TYW1B: variants seen among roughly 807,000 people sequenced by gnomAD.
TYW1B encodes the protein S-adenosyl-L-methionine-dependent tRNA 4-demethylwyosine synthase TYW1B.
TYW1B carries 73 observed loss-of-function variants against 86.9 expected under a neutral mutation model. That is an observed-to-expected ratio of 0.84 (90% CI 0.70 to 1.02). TYW1B has a LOEUF of 1.02. TYW1B is among the 50% of genes least tolerant of loss of function. The pLI, the probability that TYW1B is intolerant of heterozygous loss-of-function variation, is 0.00. For synonymous variants in TYW1B, 248 were observed against 292.8 expected, an observed-to-expected ratio of 0.85 and a Z score of 1.56; for missense variants, 637 against 827.4, an observed-to-expected ratio of 0.77 and a Z score of 2.82.
At chr7:72,726,553 G>C (rs1787002150) in intron 9 of TYW1B, among the ~76,000 whole-genome samples, 1 of 151,846 alleles carries the variant, frequency 6.6e-6, no homozygotes, top group South Asian at 2.1e-4. Flanking sequence ...TAGTAGAGAT[G>C]GGGTTTCACC....
At chr7:72,600,720 G>C (rs1554433542) in intron 13 of TYW1B, among the ~76,000 whole-genome samples, 1 of 152,150 alleles carries the variant, frequency 6.6e-6, no homozygotes, top group African/African-American at 2.4e-5. Context: ...AAATAAGCCA[G>C]GCACAGTGGC....
At chr7:72,612,241 A>T (rs1286559225) in intron 13 of TYW1B, among the ~76,000 whole-genome samples, 2 of 152,172 alleles carry the variant, frequency 1.3e-5, no homozygotes, top group Non-Finnish European at 2.9e-5. Flanking sequence ...GGGAGTCTAG[A>T]AGAGTGGTTT....
intron 11 of TYW1B, among the ~76,000 whole-genome samples, chr7:72,655,738 T>C (rs1450776739): frequency 6.6e-5 from 10 of 152,158 alleles, no homozygotes; most frequent in African/African-American, 2.4e-4. Context: ...GGGCCGCCAA[T>C]GTACCTGCAT....
In TYW1B at chr7:72,632,295, AT is replaced by A. The variant is rs1433041573; in HGVS notation, c.1507-3299del. On this transcript the variant is annotated intron_variant, in intron 11 of 13. Coordinates refer to ENST00000620995, the MANE Select transcript of TYW1B (RefSeq NM_001145440.3). ...TATATATATATACGTGTATATATATATATACGTGTATATATATTATATATAT... is the reference window on the plus strand; with the variant it reads ...TATATATATATACGTGTATATATATAATACGTGTATATATATTATATATAT... Among the ~76,000 whole-genome samples, 48 of 90,812 alleles carry A rather than the reference AT, an allele frequency of 5.3e-4. 5 individuals are homozygous for A. The highest frequency in any genetic ancestry group is 2.4e-3 in the African/African-American group (42 of 17,738). The allele number at this position is 90,812 out of a possible 152,430, so 59.6% of individuals were successfully genotyped here.
chr7:72,805,883 T>C (rs1788484843), intron 5 of TYW1B, among the ~76,000 whole-genome samples: 1 of 152,112 alleles, frequency 6.6e-6, no homozygotes, highest in African/African-American at 2.4e-5. Flanking sequence ...TGCTGAATTA[T>C]GCAACTGACC....
chr7:72,755,124 G>T (rs140162086), intron 7 of TYW1B, among the ~76,000 whole-genome samples: 39 of 152,170 alleles, frequency 2.6e-4, no homozygotes, highest in African/African-American at 7.9e-4. Flanking sequence ...TGGAATAACA[G>T]AAGTGTCATC....
Position 72,703,018 on chromosome 7 carries a change from ATATATATATTTTT to A in TYW1B, c.1371-8209_1371-8197del, listed in dbSNP as rs1268454260. Reference sequence around the variant, plus strand: ...TATATATATATATATATATATATATATATATATATTTTTTTTTTTTTTTTGAGATGGAGTCTCG... The same window carrying A: ...TATATATATATATATATATATATATATTTTTTTTTTTGAGATGGAGTCTCG... On this transcript the variant is annotated intron_variant, in intron 10 of 13. Transcript: ENST00000620995. Among the ~76,000 whole-genome samples, 7 of 14,442 alleles carry A rather than the reference ATATATATATTTTT, an allele frequency of 4.8e-4. 1 individual carries two copies. The highest frequency in any genetic ancestry group is 1.5e-3 in the African/African-American group (6 of 3,914). The allele number at this position is 14,442 out of a possible 152,430, so 9.5% of individuals were successfully genotyped here.
At chr7:72,773,705 A>G (rs1415717663) in intron 7 of TYW1B, among the ~76,000 whole-genome samples, 1 of 152,188 alleles carries the variant, frequency 6.6e-6, no homozygotes, top group Admixed American at 6.6e-5. Context: ...GGAAAGAACC[A>G]TTTTTGGAAG....
intron 13 of TYW1B, among the ~76,000 whole-genome samples, chr7:72,597,882 G>A (rs1322788506): frequency 1.3e-5 from 2 of 151,780 alleles, no homozygotes; most frequent in African/African-American, 4.8e-5. Context: ...AGCAACTTCA[G>A]GGAAAAGAAA....
chr7:72,679,106 CAAATA>C (rs1289052721), intron 11 of TYW1B, among the ~76,000 whole-genome samples: 1 of 151,476 alleles, frequency 6.6e-6, no homozygotes, highest in Non-Finnish European at 1.5e-5. Context: ...TCTCAAAAAA[CAAATA>C]AAATAGAATC....
chr7:72,785,094 C>G (rs1200773868), intron 6 of TYW1B, among the ~76,000 whole-genome samples: 1 of 151,988 alleles, frequency 6.6e-6, no homozygotes, highest in Non-Finnish European at 1.5e-5. Context: ...CCTAACATTC[C>G]AGTGTTTCAA....
In TYW1B at chr7:72,719,903, G is replaced by A. The variant is rs1374151268; in HGVS notation, c.1193-6105C>T. Among the ~76,000 whole-genome samples, 9 of 152,234 alleles carry A rather than the reference G, an allele frequency of 5.9e-5. No homozygotes were observed. In the South Asian group the frequency reaches 6.2e-4, roughly 11 times the overall value. ...TGTCTAGGGAACCTGAGTCACATGG[G>A]TAGCCAATGCAGGATTTTGAGAAGA... On this transcript the variant is annotated intron_variant, in intron 9 of 13. Coordinates refer to ENST00000620995, the MANE Select transcript of TYW1B (RefSeq NM_001145440.3).
rs1813098022 is a variant in TYW1B, at chr7:72,652,829, G to A, written c.1507-23832C>T. Among the ~76,000 whole-genome samples the A allele has an allele frequency of 2.0e-5, 3 of 152,160 alleles. No homozygotes were observed. In the South Asian group the frequency reaches 6.2e-4, roughly 32 times the overall value. On this transcript the variant is annotated intron_variant, in intron 11 of 13. Coordinates refer to ENST00000620995, the MANE Select transcript of TYW1B (RefSeq NM_001145440.3). The stretch of plus-strand genomic sequence containing the variant: ...CCATGAGATGTAACCTTACTAAAGG[G>A]CAAATTCGGAAATATCTGTTAAACT...
intron 11 of TYW1B, among the ~76,000 whole-genome samples, chr7:72,687,866 G>T (rs1814046917): frequency 6.6e-6 from 1 of 151,832 alleles, no homozygotes; most frequent in Admixed American, 6.6e-5. Flanking sequence ...GACCAGCCTG[G>T]GCAACAAACA....
intron 13 of TYW1B, among the ~76,000 whole-genome samples, chr7:72,585,203 C>T (rs1296821562): frequency 6.6e-6 from 1 of 152,176 alleles, no homozygotes; most frequent in African/African-American, 2.4e-5. Flanking sequence ...TGGCCCCCAG[C>T]CACTGTCTCA....
chr7:72,645,621 C>T (rs544330740), intron 11 of TYW1B, among the ~76,000 whole-genome samples: 4 of 152,286 alleles, frequency 2.6e-5, no homozygotes, highest in Non-Finnish European at 5.9e-5. Flanking sequence ...ATTACAGCTG[C>T]ACACATCATG....
intron 11 of TYW1B, among the ~76,000 whole-genome samples, chr7:72,670,113 A>C (rs1813562637): frequency 6.6e-6 from 1 of 152,164 alleles, no homozygotes; most frequent in Admixed American, 6.5e-5. Context: ...CCTGGGTGAC[A>C]GAATGAATCC....
chr7:72,594,010 C>T (rs1811468077), intron 13 of TYW1B, among the ~76,000 whole-genome samples: 1 of 151,708 alleles, frequency 6.6e-6, no homozygotes, highest in Non-Finnish European at 1.5e-5. Context: ...GTATGGGACA[C>T]AGTGAAAGCA....
chr7:72,822,264 C>T (rs1554480612), intron 2 of TYW1B, among the ~76,000 whole-genome samples: 1 of 148,164 alleles, frequency 6.7e-6, no homozygotes, highest in African/African-American at 2.5e-5. Flanking sequence ...GAAGACGATC[C>T]AAAAGGTAGA....
Sources: gnomAD v4.1 joint callset for allele counts (sites outside exome capture counted in the v4.1 genomes callset) on GRCh38, gnomAD v4.1.1 for gene constraint, MANE v1.5 for transcripts, NCBI Gene and HGNC (gene_info 2026-07-23, HGNC 2026-07-21) for gene names.